POC5: variants seen among roughly 807,000 people sequenced by gnomAD.
POC5 encodes the protein POC5 centriolar protein.
POC5 carries 48 observed loss-of-function variants against 62.9 expected under a neutral mutation model. The ratio of observed to expected loss-of-function variants is 0.76; its 90% CI spans 0.61 to 0.97. The LOEUF is 0.97. POC5 is among the 50% of genes least tolerant of loss of function. The probability of loss-of-function intolerance (pLI) is 0.00; values close to 1 mark genes in which losing one functional copy is unlikely to be tolerated. For synonymous variants in POC5, 236 were observed against 228.2 expected, an observed-to-expected ratio of 1.03 and a Z score of -0.31; for missense variants, 696 against 679.5, an observed-to-expected ratio of 1.02 and a Z score of -0.27.
chr5:75,701,662 T>C (rs1776889807), intron 5 of POC5, among the ~76,000 whole-genome samples: 1 of 151,074 alleles, frequency 6.6e-6, no homozygotes. Context: ...ATGGCACATG[T>C]ATACATATGT....
At position 75,712,472 on chromosome 5, in the gene POC5, G is replaced by T; in HGVS notation, c.84+382C>A. 1.9e-6 allele frequency: 3 copies of T among 1,581,000 alleles called. No individual in the cohort carries two copies. The South Asian group carries it at 3.3e-5, about 18-fold the overall frequency. On this transcript the variant is annotated intron_variant, in intron 2 of 11. Coordinates refer to ENST00000428202, the MANE Select transcript of POC5 (RefSeq NM_001099271.2). Reference sequence around the variant, plus strand: ...CAAACCTCAGCAAGTAGAACACAAGGGAATCTTGAGCTCTAGAACTTTGGA... The same window carrying T: ...CAAACCTCAGCAAGTAGAACACAAGTGAATCTTGAGCTCTAGAACTTTGGA...
chr5:75,712,351 A>T lies in POC5; in HGVS notation c.84+503T>A, dbSNP rs759708697. ...GAAATTTAAAACATTTCATGTAAAT[A>T]CCACACCCTCTGTAGTTAACTGACC... On this transcript the variant is annotated intron_variant, in intron 2 of 11. Transcript: ENST00000428202. The T allele has an allele frequency of 2.6e-6, 4 of 1,547,062 alleles. No homozygotes were observed. The Admixed American group carries it at 5.0e-5, about 19-fold the overall frequency.
At chr5:75,701,408 A>T (rs995316769) in intron 5 of POC5, among the ~76,000 whole-genome samples, 4 of 133,428 alleles carry the variant, frequency 3.0e-5, no homozygotes, top group African/African-American at 1.1e-4. Context: ...TGATGAGTTC[A>T]TGTCCTTTGT....
chr5:75,678,124 C>T (rs3815894), intron 10 of POC5, among the ~76,000 whole-genome samples, 174 bp from the exon 11 acceptor site: 21,221 of 151,886 alleles, frequency 0.14, 1,897 homozygotes, highest in East Asian at 0.4. Context: ...AAACTGAACA[C>T]CCCAAAATAT....
chr5:75,706,135 G>A (rs146560783), intron 3 of POC5, among the ~76,000 whole-genome samples: 65 of 152,276 alleles, frequency 4.3e-4, no homozygotes, highest in Middle Eastern at 3.4e-3. Flanking sequence ...CCAGAGGCCC[G>A]CTGCTTTTCA....
intron 11 of POC5, among the ~76,000 whole-genome samples, chr5:75,677,188 C>A (rs1470962434): frequency 3.3e-5 from 5 of 152,246 alleles, no homozygotes; most frequent in East Asian, 3.9e-4. Flanking sequence ...TATCACAAAG[C>A]CAACAAGTAG....
intron 5 of POC5, among the ~76,000 whole-genome samples, chr5:75,701,692 T>C (rs1026371029): frequency 1.3e-5 from 2 of 151,152 alleles, no homozygotes; most frequent in Non-Finnish European, 2.9e-5. Context: ...GCACATTGTG[T>C]ACATGTACCC....
intron 2 of POC5, among the ~76,000 whole-genome samples, chr5:75,708,798 T>C (rs1777226168): frequency 6.6e-6 from 1 of 152,214 alleles, no homozygotes. Flanking sequence ...AGTGACCTGG[T>C]TTGCGCTTCA....
chr5:75,677,264 C>T (rs191245976), intron 11 of POC5, among the ~76,000 whole-genome samples: 4 of 152,260 alleles, frequency 2.6e-5, no homozygotes, highest in Admixed American at 2.0e-4. Flanking sequence ...TTCTTTATAT[C>T]ACATGCATTT....
At chr5:75,704,607 G>A (rs903947206) in intron 4 of POC5, among the ~76,000 whole-genome samples, 1 of 152,130 alleles carries the variant, frequency 6.6e-6, no homozygotes, top group African/African-American at 2.4e-5. Context: ...AACTAGATCT[G>A]TACTCACAAA....
chr5:75,708,409 C>A (rs1168208442), intron 2 of POC5, among the ~76,000 whole-genome samples: 1 of 151,976 alleles, frequency 6.6e-6, no homozygotes, highest in African/African-American at 2.4e-5. Flanking sequence ...AACACTGAAT[C>A]AAAAATTTTC....
At chr5:75,703,345 C>A (rs556819099) in intron 4 of POC5, among the ~76,000 whole-genome samples, 9 of 151,960 alleles carry the variant, frequency 5.9e-5, no homozygotes, top group Non-Finnish European at 1.3e-4. Flanking sequence ...TATTAAAATT[C>A]GGCCGGGCGC....
intron 5 of POC5, among the ~76,000 whole-genome samples, chr5:75,702,403 A>G (rs776631489): frequency 6.6e-6 from 1 of 152,228 alleles, no homozygotes; most frequent in Non-Finnish European, 1.5e-5. Flanking sequence ...CCTACTGCAT[A>G]TGAAGCTGTA....
intron 7 of POC5, among the ~76,000 whole-genome samples, chr5:75,691,260 T>C (rs1776321137): frequency 6.6e-6 from 1 of 152,214 alleles, no homozygotes; most frequent in Non-Finnish European, 1.5e-5. Context: ...TTTAACCAGC[T>C]TACTTAATGT....
intron 3 of POC5, chr5:75,707,525 G>C: frequency 7.0e-6 from 3 of 426,756 alleles, no homozygotes; most frequent in Non-Finnish European, 1.3e-5. Context: ...ATAAAAGTAA[G>C]AGTCAAATGA....
chr5:75,684,363 A>ATTTT (rs749361349), intron 10 of POC5, among the ~76,000 whole-genome samples: 7 of 132,708 alleles, frequency 5.3e-5, no homozygotes, highest in East Asian at 2.2e-4. Context: ...TTCCTACATA[A>ATTTT]TTTTTTTTTT....
intron 6 of POC5, among the ~76,000 whole-genome samples, chr5:75,694,177 T>C (rs1776460582): frequency 6.6e-6 from 1 of 151,918 alleles, no homozygotes; most frequent in Non-Finnish European, 1.5e-5. Flanking sequence ...CAAGACCCTG[T>C]TTCAAAAAGA....
intron 10 of POC5, among the ~76,000 whole-genome samples, chr5:75,678,194 T>C (rs1432338670): frequency 6.7e-6 from 1 of 149,798 alleles, no homozygotes; most frequent in Non-Finnish European, 1.5e-5. Flanking sequence ...AAAACCAACT[T>C]TTTTTTTTTA....
chr5:75,714,472 C>A (rs1392166328), intron 1 of POC5, among the ~76,000 whole-genome samples: 1 of 151,996 alleles, frequency 6.6e-6, no homozygotes, highest in Non-Finnish European at 1.5e-5. Flanking sequence ...TAAATGATGA[C>A]CTAAGTCTAG....
Sources: allele counts gnomAD v4.1 joint callset (sites outside exome capture counted in the v4.1 genomes callset), GRCh38; gene constraint gnomAD v4.1.1; transcripts MANE v1.5; gene names NCBI Gene and HGNC (gene_info 2026-07-23, HGNC 2026-07-21).